The following AK5 variants were observed in gnomAD, a reference collection of about 807,000 sequenced individuals.
AK5 encodes the protein adenylate kinase isoenzyme 5.
A neutral mutation model predicts 69.5 loss-of-function variants in AK5; 27 were observed. The observed-to-expected ratio is 0.39, with a 90% CI of 0.29 to 0.54. The LOEUF (loss-of-function observed/expected upper bound fraction) is 0.54, where lower values mean the gene tolerates loss of function less well. Among genes scored for constraint, AK5 ranks in the 20% least tolerant of loss-of-function variants. The pLI, the probability that AK5 is intolerant of heterozygous loss-of-function variation, is 0.71. For missense variants in AK5, 531 were observed against 700.4 expected (o/e 0.76, Z 2.73); for synonymous variants, 260 against 244.4 (o/e 1.06, Z -0.60).
intron 8 of AK5, among the ~76,000 whole-genome samples, chr1:77,426,242 C>A (rs1369007712): frequency 6.6e-6 from 1 of 152,140 alleles, no homozygotes; most frequent in Non-Finnish European, 1.5e-5. Context: ...AAGAAACCCA[C>A]TTTTAAGTAT....
intron 9 of AK5, among the ~76,000 whole-genome samples, chr1:77,484,031 G>A (rs1292962058): frequency 6.6e-6 from 1 of 152,120 alleles, no homozygotes; most frequent in Admixed American, 6.6e-5. Context: ...AAGGCATGGT[G>A]GTGCACACCT....
intron 6 of AK5, among the ~76,000 whole-genome samples, chr1:77,370,804 A>G (rs11162326): frequency 0.74 from 112,578 of 151,984 alleles, 42,124 homozygotes; most frequent in East Asian, 0.82. Flanking sequence ...CCAGCAGCTT[A>G]GGAACCAGAT....
intron 6 of AK5, among the ~76,000 whole-genome samples, chr1:77,352,604 A>G (rs970447019): frequency 9.9e-5 from 15 of 152,222 alleles, no homozygotes; most frequent in African/African-American, 3.4e-4. Context: ...TTGAGAAGCA[A>G]TGATACCTGT....
chr1:77,323,200 C>T (rs1000121255), intron 5 of AK5, among the ~76,000 whole-genome samples: 1 of 152,002 alleles, frequency 6.6e-6, no homozygotes, highest in Admixed American at 6.5e-5. Context: ...CCATGTTGGC[C>T]GGACTGGTCT....
At chr1:77,514,990 C>G (rs561623684) in intron 10 of AK5, among the ~76,000 whole-genome samples, 2 of 152,198 alleles carry the variant, frequency 1.3e-5, no homozygotes, top group African/African-American at 4.8e-5. Flanking sequence ...CCTGGAAGCA[C>G]CACTTCTCCA....
chr1:77,331,500 A>T (rs1014343820), intron 5 of AK5, among the ~76,000 whole-genome samples: 1 of 152,282 alleles, frequency 6.6e-6, no homozygotes. Flanking sequence ...CCTTTATTCT[A>T]TTCATTTCAT....
chr1:77,540,087 A>G (rs2100368022), intron 13 of AK5, among the ~76,000 whole-genome samples: 1 of 152,174 alleles, frequency 6.6e-6, no homozygotes, highest in South Asian at 2.1e-4. Flanking sequence ...TCCATCCCCC[A>G]CTCCATGACA....
At chr1:77,450,258 T>C (rs144476534) in intron 8 of AK5, among the ~76,000 whole-genome samples, 1,982 of 152,318 alleles carry the variant, frequency 0.013, 43 homozygotes, top group African/African-American at 0.045. Context: ...TGTCTTCTTC[T>C]GAGCCCTCCA....
rs1394215531 is a variant in AK5 at position 77,444,269 on chromosome 1, G to GTA, written c.1059+26561_1059+26562dup. On this transcript the variant is annotated intron_variant, in intron 8 of 13. Coordinates refer to ENST00000354567, the MANE Select transcript of AK5 (RefSeq NM_174858.3). The stretch of plus-strand genomic sequence containing the variant: ...TACACAACATATGTGTATATATATA[G>GTA]TATATATACACAACATATGTGTATA... 6.6e-4 allele frequency among the ~76,000 whole-genome samples: 21 copies of GTA among 31,680 alleles called. No individual in the cohort carries two copies. In the South Asian group the frequency reaches 0.012, roughly 18 times the overall value. 20.8% of individuals were successfully genotyped at this position (31,680 alleles called of 152,430 possible). A position where few individuals can be genotyped will look rare whatever the true frequency, so the allele number is the denominator to read the frequency against.
intron 13 of AK5, chr1:77,540,348 A>G (rs1050394900): frequency 6.6e-6 from 1 of 152,206 alleles, no homozygotes; most frequent in African/African-American, 2.4e-5. Flanking sequence ...CCTGCATCTG[A>G]GAAAGAATTA....
intron 6 of AK5, among the ~76,000 whole-genome samples, chr1:77,394,468 T>G (rs570871651): frequency 8.5e-5 from 13 of 152,312 alleles, no homozygotes; most frequent in African/African-American, 2.9e-4. Context: ...TCTTTCTCTT[T>G]TGATCTCCTA....
At chr1:77,343,137 G>C (rs972609136) in intron 6 of AK5, among the ~76,000 whole-genome samples, 5 of 152,168 alleles carry the variant, frequency 3.3e-5, no homozygotes, top group African/African-American at 1.2e-4. Context: ...GGATTATTAA[G>C]TGTGAAAATG....
At chr1:77,490,725 A>G (rs1655930972) in intron 10 of AK5, among the ~76,000 whole-genome samples, 1 of 151,980 alleles carries the variant, frequency 6.6e-6, no homozygotes, top group Non-Finnish European at 1.5e-5. Context: ...ATTATGTCCC[A>G]CTAACAGGTT....
At chr1:77,312,132 C>A (rs1285321207) in intron 5 of AK5, among the ~76,000 whole-genome samples, 1 of 152,144 alleles carries the variant, frequency 6.6e-6, no homozygotes, top group African/African-American at 2.4e-5. Flanking sequence ...TGCCAGGCAC[C>A]TAGCTGTGGT....
intron 5 of AK5, among the ~76,000 whole-genome samples, chr1:77,337,965 AT>A (rs59174301): frequency 3.4e-5 from 5 of 145,118 alleles, no homozygotes; most frequent in African/African-American, 1.3e-4. Context: ...TTTTCTTTTT[AT>A]TTTTTTTTTT....
chr1:77,405,399 G>T (rs17380099), intron 6 of AK5, among the ~76,000 whole-genome samples: 12,969 of 152,272 alleles, frequency 0.085, 730 homozygotes, highest in African/African-American at 0.14. Flanking sequence ...GTGCCCCCTT[G>T]GCCTCGGTTG....
intron 7 of AK5, among the ~76,000 whole-genome samples, chr1:77,415,706 T>G (rs533838568): frequency 1.3e-5 from 2 of 152,300 alleles, no homozygotes; most frequent in South Asian, 4.1e-4. Flanking sequence ...CACATGGACT[T>G]GACAGCATGC....
In AK5 at chr1:77,374,051, G is replaced by A. The variant is rs114908800; in HGVS notation, c.891+33483G>A. On this transcript the variant is annotated intron_variant, in intron 6 of 13. Transcript: ENST00000354567. Reference sequence around the variant, plus strand: ...GTGTCATTTCTGAGATTTTCATTTAGAACACTGTCATTTCCCAACGGAATT... The same window carrying A: ...GTGTCATTTCTGAGATTTTCATTTAAAACACTGTCATTTCCCAACGGAATT... Among the ~76,000 whole-genome samples, 1,305 of 152,130 alleles carry A rather than the reference G, an allele frequency of 8.6e-3. 17 individuals are homozygous for A. The highest frequency in any genetic ancestry group is 0.03 in the African/African-American group (1,264 of 41,498).
At chr1:77,536,658 G>A (rs1454278402) in intron 13 of AK5, among the ~76,000 whole-genome samples, 1 of 152,168 alleles carries the variant, frequency 6.6e-6, no homozygotes, top group Non-Finnish European at 1.5e-5. Context: ...AGGCAGGGAG[G>A]GAGGGAGGCA....
Sources: gnomAD v4.1 joint callset for allele counts (sites outside exome capture counted in the v4.1 genomes callset) on GRCh38, gnomAD v4.1.1 for gene constraint, MANE v1.5 for transcripts, NCBI Gene and HGNC (gene_info 2026-07-23, HGNC 2026-07-21) for gene names.